SLC35D4: variants seen among roughly 807,000 people sequenced by gnomAD.
SLC35D4 encodes the protein UDP-N-acetylglucosamine transporter SLC35D4.
chr18:23,239,007 C>T, the SLC35D4 span, among the ~76,000 whole-genome samples: 1 of 152,216 alleles, frequency 6.6e-6, no homozygotes, highest in Non-Finnish European at 1.5e-5. Flanking sequence ...CAGACACGTG[C>T]CTGGTGATAA....
At chr18:23,315,307 G>A in the SLC35D4 span, among the ~76,000 whole-genome samples, 6 of 152,052 alleles carry the variant, frequency 3.9e-5, no homozygotes, top group Admixed American at 1.3e-4. Context: ...CGATATAGCC[G>A]ACATAATTCC....
chr18:23,359,823 G>A, the SLC35D4 span, among the ~76,000 whole-genome samples: 1 of 152,102 alleles, frequency 6.6e-6, no homozygotes, highest in African/African-American at 2.4e-5. Context: ...CAGCTAAGGG[G>A]CCCCATACAA....
At chr18:23,388,970 T>C in the SLC35D4 span, among the ~76,000 whole-genome samples, 3 of 151,668 alleles carry the variant, frequency 2.0e-5, no homozygotes, top group Non-Finnish European at 4.4e-5. Flanking sequence ...CTTCATAAAT[T>C]ACCCAGTCAA....
chr18:23,406,121 C>T, the SLC35D4 span, among the ~76,000 whole-genome samples: 4 of 152,206 alleles, frequency 2.6e-5, no homozygotes, highest in African/African-American at 9.7e-5. Context: ...AGTGATACAA[C>T]TCATACCTGA....
At chr18:23,396,864 C>CA in the SLC35D4 span, among the ~76,000 whole-genome samples, 203 of 140,022 alleles carry the variant, frequency 1.4e-3, no homozygotes, top group Middle Eastern at 3.6e-3. Context: ...AAATGTCTTG[C>CA]AAAAAAAAAA....
chr18:23,307,654 G>C, the SLC35D4 span, among the ~76,000 whole-genome samples: 1 of 152,240 alleles, frequency 6.6e-6, no homozygotes, highest in East Asian at 1.9e-4. Flanking sequence ...GCTGGTCACA[G>C]CTGGGTCCTC....
chr18:23,251,446 G>T, the SLC35D4 span, among the ~76,000 whole-genome samples: 3 of 151,890 alleles, frequency 2.0e-5, no homozygotes, highest in Non-Finnish European at 4.4e-5. Flanking sequence ...GCATGACTCC[G>T]TCTCAAAAAA....
the SLC35D4 span, among the ~76,000 whole-genome samples, chr18:23,413,625 G>A: frequency 6.6e-6 from 1 of 152,274 alleles, no homozygotes; most frequent in East Asian, 1.9e-4. Context: ...GGCAATGTTA[G>A]TATTAAGAAA....
the SLC35D4 span, among the ~76,000 whole-genome samples, chr18:23,391,974 G>C: frequency 2.7e-5 from 4 of 148,010 alleles, no homozygotes; most frequent in Non-Finnish European, 6.0e-5. Flanking sequence ...GTTTCACCCT[G>C]TTTCCCAGGC....
At chr18:23,270,701 A>G in the SLC35D4 span, among the ~76,000 whole-genome samples, 5 of 152,234 alleles carry the variant, frequency 3.3e-5, no homozygotes, top group Non-Finnish European at 5.9e-5. Flanking sequence ...ATGGAGTCAA[A>G]AGAGATTATG....
At chr18:23,316,579 A>C in the SLC35D4 span, among the ~76,000 whole-genome samples, 1 of 152,248 alleles carries the variant, frequency 6.6e-6, no homozygotes, top group Admixed American at 6.5e-5. Context: ...TTGCCTCATC[A>C]AAATATATGA....
chr18:23,306,426 C>G, the SLC35D4 span, among the ~76,000 whole-genome samples: 3 of 152,088 alleles, frequency 2.0e-5, no homozygotes, highest in Non-Finnish European at 4.4e-5. Flanking sequence ...CCTGCCTCAG[C>G]CTCCCTAGTA....
the SLC35D4 span, among the ~76,000 whole-genome samples, chr18:23,358,721 A>G: frequency 6.6e-6 from 1 of 152,074 alleles, no homozygotes; most frequent in Non-Finnish European, 1.5e-5. Context: ...TACCCAGCAC[A>G]CAGCAAGCAC....
At chr18:23,372,912 A>G in the SLC35D4 span, among the ~76,000 whole-genome samples, 5 of 152,126 alleles carry the variant, frequency 3.3e-5, no homozygotes, top group Non-Finnish European at 7.3e-5. Context: ...GGAGGGAGAA[A>G]AAAAGAAAGA....
chr18:23,429,931 C>A, the SLC35D4 span, among the ~76,000 whole-genome samples: 13 of 152,128 alleles, frequency 8.5e-5, no homozygotes, highest in African/African-American at 2.9e-4. Context: ...GCATAGTTTG[C>A]AAATATTTTC....
At chr18:23,356,686 A>C in the SLC35D4 span, 3 of 1,612,678 alleles carry the variant, frequency 1.9e-6, no homozygotes, top group Non-Finnish European at 2.5e-6. This position sits in a 1 kb window ranked among gnomAD's most constrained non-coding sequence, Gnocchi z 4.1. Context: ...GCAATGGTGA[A>C]ACAGTGACCC....
At chr18:23,362,908 A>G in the SLC35D4 span, among the ~76,000 whole-genome samples, 1 of 152,018 alleles carries the variant, frequency 6.6e-6, no homozygotes, top group Non-Finnish European at 1.5e-5. Context: ...AACAAGCACA[A>G]CCTCTTAGCT....
the SLC35D4 span, chr18:23,309,833 G>A: frequency 8.0e-7 from 1 of 1,254,206 alleles, no homozygotes; most frequent in Non-Finnish European, 1.2e-6. Context: ...TAGCTCACTT[G>A]AGTTCGGATG....
the SLC35D4 span, chr18:23,257,488 AG>A: frequency 1.7e-6 from 2 of 1,153,820 alleles, no homozygotes; most frequent in South Asian, 1.7e-5. Flanking sequence ...CTCTCGACAT[AG>A]TTTGGGGAGA....
Sources: allele counts gnomAD v4.1 joint callset (sites outside exome capture counted in the v4.1 genomes callset), GRCh38; gene constraint gnomAD v4.1.1; non-coding constraint Gnocchi (gnomAD v3.1); transcripts MANE v1.5; gene names NCBI Gene and HGNC (gene_info 2026-07-23, HGNC 2026-07-21).